The following MPHOSPH10 variants were observed in gnomAD, a reference collection of about 807,000 sequenced individuals.
The protein encoded by MPHOSPH10 is M-phase phosphoprotein 10, also known as U3 small nucleolar ribonucleoprotein MPP10.
A neutral mutation model predicts 77.3 loss-of-function variants in MPHOSPH10; 33 were observed. That is an observed-to-expected ratio of 0.43 (90% CI 0.32 to 0.57). MPHOSPH10 has a LOEUF of 0.57. MPHOSPH10 is among the 20% of genes least tolerant of loss of function. The pLI, the probability that MPHOSPH10 is intolerant of heterozygous loss-of-function variation, is 0.07. For missense variants in MPHOSPH10, 708 were observed against 780.1 expected (o/e 0.91, Z 1.10); for synonymous variants, 245 against 268.0 (o/e 0.91, Z 0.84).
chr2:71,144,026 G>T (rs1296781785), intron 7 of MPHOSPH10, among the ~76,000 whole-genome samples: 1 of 152,192 alleles, frequency 6.6e-6, no homozygotes, highest in South Asian at 2.1e-4. Context: ...TGCCACTGTG[G>T]CCGCATCATT....
intron 8 of MPHOSPH10, among the ~76,000 whole-genome samples, chr2:71,146,629 T>C (rs930165300): frequency 2.6e-5 from 4 of 152,238 alleles, no homozygotes. Context: ...TGAGTTACCG[T>C]GCCCAGCATT....
chr2:71,143,179 G>A (rs187116338), intron 7 of MPHOSPH10, among the ~76,000 whole-genome samples: 4 of 149,882 alleles, frequency 2.7e-5, no homozygotes, highest in African/African-American at 9.8e-5. Flanking sequence ...GTCTTGCTCG[G>A]TTGCCAGGCT....
chr2:71,140,953 G>A (rs1419465373), intron 6 of MPHOSPH10, among the ~76,000 whole-genome samples: 1 of 152,092 alleles, frequency 6.6e-6, no homozygotes, highest in Non-Finnish European at 1.5e-5. Flanking sequence ...AAAGATATTT[G>A]AGTAATGGTT....
chr2:71,138,466 C>T, intron 4 of MPHOSPH10, 24 bp from the exon 5 acceptor site: 3 of 1,492,132 alleles, frequency 2.0e-6, no homozygotes, highest in Non-Finnish European at 2.7e-6. Context: ...TAAATGTATA[C>T]TAGTTATTTT....
At chr2:71,144,360 CT>C (rs1305789024) in intron 7 of MPHOSPH10, 67 bp from the exon 8 acceptor site, 6 of 1,156,540 alleles carry the variant, frequency 5.2e-6, no homozygotes, top group South Asian at 1.4e-5. Flanking sequence ...TCTCATTGAC[CT>C]TTAGTGTTTT....
chr2:71,149,708 C>T (rs1023222582), intron 10 of MPHOSPH10, among the ~76,000 whole-genome samples, 158 bp from the exon 11 acceptor site: 1 of 152,228 alleles, frequency 6.6e-6, no homozygotes, highest in Non-Finnish European at 1.5e-5. Flanking sequence ...TGTAGCAGTG[C>T]AGAATACCTC....
chr2:71,145,062 A>G (rs1487369301), intron 8 of MPHOSPH10, among the ~76,000 whole-genome samples: 1 of 152,180 alleles, frequency 6.6e-6, no homozygotes, highest in Non-Finnish European at 1.5e-5. Flanking sequence ...AGTGAGAACT[A>G]ACTCTGGGCC....
intron 4 of MPHOSPH10, among the ~76,000 whole-genome samples, chr2:71,135,110 G>A (rs2103663484): frequency 6.6e-6 from 1 of 152,346 alleles, no homozygotes; most frequent in South Asian, 2.1e-4. Context: ...ATGCTGCGGT[G>A]AGCTAAGATT....
rs1673356735 is a variant in MPHOSPH10, at chr2:71,130,648, C to T, written c.-18C>T. The T allele has an allele frequency of 6.2e-7, 1 of 1,602,380 alleles. No individual in the cohort carries two copies. The highest frequency in any genetic ancestry group is 1.7e-5 in the Admixed American group (1 of 59,054). Reference sequence around the variant, plus strand: ...CCTTCCCTTGCATGCTGCATTGTGTCGGGAGTTGCTGACAGCCATGGCGCC... The same window carrying T: ...CCTTCCCTTGCATGCTGCATTGTGTTGGGAGTTGCTGACAGCCATGGCGCC... On this transcript the variant is annotated 5_prime_UTR_variant, in exon 1 of 11. Coordinates refer to ENST00000244230, the MANE Select transcript of MPHOSPH10 (RefSeq NM_005791.3).
chr2:71,146,116 C>T (rs919124676), intron 8 of MPHOSPH10, among the ~76,000 whole-genome samples: 7 of 152,326 alleles, frequency 4.6e-5, no homozygotes, highest in Non-Finnish European at 8.8e-5. Context: ...ATCTAACACA[C>T]GGAAGCCTTT....
Position 71,149,239 on chromosome 2 carries a change from G to T in MPHOSPH10, c.1682G>T (p.Gly561Val), listed in dbSNP as rs1235634925. Residue 561 changes from glycine (G) to valine (V), a missense_variant, in exon 10 of 11, where the codon GGA (glycine) becomes GTA (valine). This residue lies in a region of MPHOSPH10 where 263 missense variants were observed against 320.0 expected (regional missense o/e 0.82). Transcript: ENST00000244230. Reference sequence around the variant, plus strand: ...TTTTAATAGGAGAAAAATAAAGCTGGAGATATAAAAACAGCTGCTGAAAAA... The same window carrying T: ...TTTTAATAGGAGAAAAATAAAGCTGTAGATATAAAAACAGCTGCTGAAAAA... The part of the protein sequence containing the change: ...PEEIKEKNKA[G>V]DIKTAAEKTA... 3 of 1,567,878 alleles carry T rather than the reference G, an allele frequency of 1.9e-6. No homozygotes were observed. The highest frequency in any genetic ancestry group is 2.6e-6 in the Non-Finnish European group (3 of 1,158,442).
chr2:71,149,261 A>G lies in MPHOSPH10; in HGVS notation c.1704A>G (p.Glu568=), dbSNP rs1673771808. The G allele has an allele frequency of 6.3e-7, 1 of 1,591,000 alleles. No individual in the cohort carries two copies. The highest frequency in any genetic ancestry group is 1.4e-5 in the African/African-American group (1 of 73,916). ...CTGGAGATATAAAAACAGCTGCTGA[A>G]AAAACAGCTACAGACAAGAAACGAG... The part of the protein sequence containing the change: ...NKAGDIKTAA[E]KTATDKKRER... Residue 568 remains glutamate (E), a synonymous_variant, in exon 10 of 11, where the codon GAA becomes GAG. Transcript: ENST00000244230.
At chr2:71,149,570 C>A in intron 10 of MPHOSPH10, 117 bp downstream of exon 10, 1 of 967,038 alleles carries the variant, frequency 1.0e-6, no homozygotes, top group Non-Finnish European at 1.6e-6. Flanking sequence ...GATAGAGATG[C>A]ATGATGCTGA....
intron 7 of MPHOSPH10, 25 bp downstream of exon 7, chr2:71,141,394 C>G: frequency 1.4e-6 from 2 of 1,455,486 alleles, no homozygotes; most frequent in Non-Finnish European, 1.8e-6. Context: ...AAGGCCAAGC[C>G]ATTATTATTA....
chr2:71,134,492 T>C (rs1274697626), intron 3 of MPHOSPH10, 134 bp from the exon 4 acceptor site: 2 of 768,134 alleles, frequency 2.6e-6, no homozygotes, highest in South Asian at 2.0e-5. Context: ...AATAACTGAA[T>C]GATTTTGGAA....
At position 71,149,397 on chromosome 2, in the gene MPHOSPH10, G is replaced by A; in HGVS notation, c.1840G>A (p.Val614Ile). The A allele has an allele frequency of 6.4e-7, 1 of 1,573,192 alleles. No individual in the cohort carries two copies. The highest frequency in any genetic ancestry group is 2.3e-5 in the East Asian group (1 of 43,586). Reference protein sequence around the residue: ...VDQAGKYSKTVASEKLKQLTK... With the variant: ...VDQAGKYSKTIASEKLKQLTK... ...TCAAGCAGGGAAATACAGCAAAACAGTAGCTTCGGAGAAGTTAAAACAGCT... is the reference window on the plus strand; with the variant it reads ...TCAAGCAGGGAAATACAGCAAAACAATAGCTTCGGAGAAGTTAAAACAGCT... Residue 614 changes from valine to isoleucine, a missense_variant, in exon 10 of 11, where the codon GTA becomes ATA. Transcript: ENST00000244230.
At chr2:71,134,833 A>G (rs1553441538) in intron 4 of MPHOSPH10, 36 bp downstream of exon 4, 1 of 1,430,692 alleles carries the variant, frequency 7.0e-7, no homozygotes, top group South Asian at 1.2e-5. Flanking sequence ...AATATACTTG[A>G]TATTAACCAT....
intron 4 of MPHOSPH10, among the ~76,000 whole-genome samples, chr2:71,135,725 A>G (rs1294731215): frequency 1.1e-4 from 15 of 139,206 alleles, no homozygotes; most frequent in African/African-American, 4.1e-4. Flanking sequence ...TTTTTGAGAC[A>G]GAGTTTCACT....
rs201031250 is a variant in MPHOSPH10, at chr2:71,150,002, A to G, written c.2033A>G (p.Lys678Arg). 197 of 1,347,268 alleles carry G rather than the reference A, an allele frequency of 1.5e-4. 1 individual carries two copies. The East Asian group carries it at 4.4e-3, about 30-fold the overall frequency. 83.5% of individuals were successfully genotyped at this position (1,347,268 alleles called of 1,614,324 possible). A position where few individuals can be genotyped will look rare whatever the true frequency, so the allele number is the denominator to read the frequency against. Residue 678 changes from lysine to arginine, a missense_variant, in exon 11 of 11, where the codon AAA becomes AGA. Physicochemically the swap from Lys to Arg is conservative, Grantham distance 26. Around this residue, in one of 3 missense-constraint regions of MPHOSPH10, gnomAD observed 263 missense variants for 320.0 expected, o/e 0.82. Transcript: ENST00000244230. ...AAAAGACAGGATATTTCTGTTCATA[A>G]ATTAAAGCTGTAATATATTTTGAAT... ...KKKRQDISVH[K>R]LKL is the part of the protein sequence containing the mutation.
Sources: gnomAD v4.1 joint callset for allele counts (sites outside exome capture counted in the v4.1 genomes callset) on GRCh38, gnomAD v4.1.1 for gene constraint, gnomAD v4.1.1 regional missense constraint, MANE v1.5 for transcripts, NCBI Gene and HGNC (gene_info 2026-07-23, HGNC 2026-07-21) for gene names.